GRID2: variants seen among roughly 807,000 people sequenced by gnomAD.
The protein encoded by GRID2 is glutamate ionotropic receptor delta type subunit 2.
A neutral mutation model predicts 114.8 loss-of-function variants in GRID2; 33 were observed. That is an observed-to-expected ratio of 0.29 (90% confidence interval 0.22 to 0.38). GRID2 has a LOEUF of 0.38. Ranked by LOEUF, GRID2 falls within the 10% of genes least tolerant of loss-of-function variation. The pLI is 1.00. For synonymous variants in GRID2, 505 were observed against 449.9 expected, an observed-to-expected ratio of 1.12 and a Z score of -1.55; for missense variants, 1,184 against 1,257.7, an observed-to-expected ratio of 0.94 and a Z score of 0.89.
At chr4:93,805,452 A>T (rs1483248511) in intron 1 of GRID2, among the ~76,000 whole-genome samples, 5 of 152,194 alleles carry the variant, frequency 3.3e-5, no homozygotes, top group Non-Finnish European at 5.9e-5. Flanking sequence ...GCTGATTTCT[A>T]CACTTAGTTC....
chr4:92,680,288 A>T (rs911374114), intron 2 of GRID2, among the ~76,000 whole-genome samples: 1 of 152,290 alleles, frequency 6.6e-6, no homozygotes, highest in South Asian at 2.1e-4. Context: ...TATAACTTAC[A>T]TTAAAGAACC....
chr4:93,066,666 T>C (rs1335506562), intron 2 of GRID2, among the ~76,000 whole-genome samples: 1 of 151,992 alleles, frequency 6.6e-6, no homozygotes, highest in Non-Finnish European at 1.5e-5. Context: ...TAAGATAAAA[T>C]ACTTTTTCTT....
At chr4:92,340,376 G>A (rs2110161246) in intron 1 of GRID2, among the ~76,000 whole-genome samples, 1 of 152,250 alleles carries the variant, frequency 6.6e-6, no homozygotes, top group East Asian at 1.9e-4. Context: ...GTTATTTACA[G>A]CATCTCAGAG....
intron 8 of GRID2, among the ~76,000 whole-genome samples, chr4:93,255,144 C>T (rs1423686558): frequency 6.6e-6 from 1 of 151,956 alleles, no homozygotes. Context: ...ACATTTTATT[C>T]ATTCATATAC....
At chr4:92,582,134 A>G (rs1376913888) in intron 1 of GRID2, among the ~76,000 whole-genome samples, 11 of 152,152 alleles carry the variant, frequency 7.2e-5, no homozygotes, top group Admixed American at 3.9e-4. Context: ...CACAATTTGA[A>G]TATTATAGAC....
chr4:92,412,384 T>G (rs1356103242), intron 1 of GRID2, among the ~76,000 whole-genome samples: 2 of 152,176 alleles, frequency 1.3e-5, no homozygotes, highest in Non-Finnish European at 2.9e-5. Flanking sequence ...TTTGAATATT[T>G]TTTTTTTCTG....
chr4:92,304,874 G>A (rs1244231630), intron 1 of GRID2, 130 bp downstream of exon 1: 1 of 709,014 alleles, frequency 1.4e-6, no homozygotes, highest in Non-Finnish European at 2.5e-6. Context: ...GCCCCTTCCC[G>A]CTACCCTTCC....
intron 2 of GRID2, among the ~76,000 whole-genome samples, chr4:92,708,716 T>C (rs747323420): frequency 2.0e-5 from 3 of 152,170 alleles, no homozygotes; most frequent in African/African-American, 4.8e-5. Flanking sequence ...GTAGCGAATG[T>C]CTTTTAAGAG....
At chr4:92,567,101 A>G (rs534577185) in intron 1 of GRID2, among the ~76,000 whole-genome samples, 36 of 152,072 alleles carry the variant, frequency 2.4e-4, no homozygotes, top group Non-Finnish European at 5.0e-4. Context: ...TGCAAAAACA[A>G]GTATTACAGA....
chr4:92,343,022 T>TGAACTG (rs1727581822), intron 1 of GRID2, among the ~76,000 whole-genome samples: 2 of 152,182 alleles, frequency 1.3e-5, no homozygotes, highest in African/African-American at 4.8e-5. Flanking sequence ...CTGAAAGATA[T>TGAACTG]AAACTGAGTA....
At chr4:92,572,727 T>C (rs1727690886) in intron 1 of GRID2, among the ~76,000 whole-genome samples, 2 of 152,164 alleles carry the variant, frequency 1.3e-5, no homozygotes, top group African/African-American at 2.4e-5. Flanking sequence ...GGTTTAGCAG[T>C]GTTTTGTTGA....
chr4:93,492,182 A>G (rs1222532281), intron 12 of GRID2, among the ~76,000 whole-genome samples: 1 of 151,964 alleles, frequency 6.6e-6, no homozygotes, highest in Non-Finnish European at 1.5e-5. Flanking sequence ...CAAAAGATCA[A>G]TGAAATGAGT....
chr4:93,488,002 T>G (rs1172752760), intron 11 of GRID2, among the ~76,000 whole-genome samples: 4 of 151,988 alleles, frequency 2.6e-5, no homozygotes, highest in African/African-American at 9.7e-5. Context: ...GTTGCAATTT[T>G]TATAACAAAG....
At chr4:92,638,103 T>A (rs567596146) in intron 2 of GRID2, among the ~76,000 whole-genome samples, 1 of 152,094 alleles carries the variant, frequency 6.6e-6, no homozygotes, top group African/African-American at 2.4e-5. Flanking sequence ...ATGCTTAGTG[T>A]CAGTCATTTC....
chr4:92,841,375 G>A (rs1175785232), intron 2 of GRID2, among the ~76,000 whole-genome samples: 1 of 151,958 alleles, frequency 6.6e-6, no homozygotes, highest in East Asian at 1.9e-4. Context: ...TCTTTCCACA[G>A]TTATAATTTT....
intron 14 of GRID2, among the ~76,000 whole-genome samples, chr4:93,716,842 A>G (rs1298900294): frequency 6.6e-6 from 1 of 152,094 alleles, no homozygotes; most frequent in Non-Finnish European, 1.5e-5. Flanking sequence ...AATATACACA[A>G]CAGAACTTTA....
chr4:92,704,839 C>T (rs1427010977), intron 2 of GRID2, among the ~76,000 whole-genome samples: 1 of 148,642 alleles, frequency 6.7e-6, no homozygotes, highest in African/African-American at 2.5e-5. Flanking sequence ...CTCCCCACCT[C>T]TTCAACTGCA....
chr4:93,315,639 C>T (rs1756498917), intron 8 of GRID2, among the ~76,000 whole-genome samples: 1 of 152,096 alleles, frequency 6.6e-6, no homozygotes, highest in Non-Finnish European at 1.5e-5. Context: ...ACTGTTGAAT[C>T]CCAAGTGGTG....
At chr4:93,630,982 A>G (rs1743194140) in intron 14 of GRID2, among the ~76,000 whole-genome samples, 1 of 152,136 alleles carries the variant, frequency 6.6e-6, no homozygotes, top group Non-Finnish European at 1.5e-5. Flanking sequence ...ACTACACATA[A>G]TAACCCGTGA....
Sources: gnomAD v4.1 joint callset for allele counts (sites outside exome capture counted in the v4.1 genomes callset) on GRCh38, gnomAD v4.1.1 for gene constraint, MANE v1.5 for transcripts, NCBI Gene and HGNC (gene_info 2026-07-23, HGNC 2026-07-21) for gene names.